TANC1: variants seen among roughly 807,000 people sequenced by gnomAD.
TANC1 encodes protein TANC1.
Under a neutral mutation model 149.7 loss-of-function variants are expected in TANC1, and 77 were observed. The observed-to-expected ratio is 0.51, with a 90% confidence interval of 0.43 to 0.62. The LOEUF (loss-of-function observed/expected upper bound fraction) is 0.62, where lower values mean the gene tolerates loss of function less well. TANC1 is among the 20% of genes least tolerant of loss of function. The pLI is 0.00. For missense variants in TANC1, 1,985 were observed against 2,321.8 expected (o/e 0.85, Z 2.98); for synonymous variants, 854 against 925.0 (o/e 0.92, Z 1.39).
rs550882931 is a variant in TANC1, at chr2:159,168,273, C to T, written c.947-977C>T. On this transcript the variant is annotated intron_variant, in intron 8 of 26. Transcript: ENST00000263635. ...CGGTAGTTGTTTTTGTAATCTAACT[C>T]GTATGAATGTTTGAATAGATCTTTA... Among the ~76,000 whole-genome samples the T allele has an allele frequency of 8.7e-5, 13 of 150,264 alleles. No individual in the cohort carries two copies. In the South Asian group the frequency reaches 1.1e-3, roughly 12 times the overall value.
At chr2:159,168,768 T>C (rs1190112551) in intron 8 of TANC1, among the ~76,000 whole-genome samples, 2 of 152,146 alleles carry the variant, frequency 1.3e-5, no homozygotes, top group Admixed American at 1.3e-4. Flanking sequence ...GATTATACTA[T>C]TACTACTGAG....
chr2:159,071,427 A>T (rs1442143055), intron 3 of TANC1, among the ~76,000 whole-genome samples: 3 of 152,116 alleles, frequency 2.0e-5, no homozygotes, highest in Admixed American at 2.0e-4. Context: ...CCTTTCTCTC[A>T]TTAAAACCCA....
intron 18 of TANC1, 43 bp from the exon 19 acceptor site, chr2:159,198,932 C>T (rs758038629): frequency 2.1e-6 from 3 of 1,444,584 alleles, no homozygotes; most frequent in Admixed American, 3.4e-5. Flanking sequence ...ATAAGCACCT[C>T]TTGCTAAGAG....
intron 3 of TANC1, among the ~76,000 whole-genome samples, chr2:159,087,653 G>A (rs776474436): frequency 1.4e-4 from 22 of 151,776 alleles, no homozygotes; most frequent in Non-Finnish European, 1.5e-4. Flanking sequence ...GATTACAGGT[G>A]TGAGCCACCA....
chr2:159,029,853 G>A (rs757242924), intron 2 of TANC1, among the ~76,000 whole-genome samples: 2 of 152,070 alleles, frequency 1.3e-5, no homozygotes, highest in Non-Finnish European at 2.9e-5. Context: ...GTGCCACCAT[G>A]CCTGTATTTT....
At chr2:159,228,571 G>T in intron 25 of TANC1, 1 of 494,618 alleles carries the variant, frequency 2.0e-6, no homozygotes, top group Non-Finnish European at 3.6e-6. Flanking sequence ...GGCCTTCTTG[G>T]GGCACTGTTA....
chr2:158,980,545 A>C (rs1403100466), intron 1 of TANC1, among the ~76,000 whole-genome samples: 1 of 151,944 alleles, frequency 6.6e-6, no homozygotes, highest in Admixed American at 6.6e-5. Flanking sequence ...GGGAGGCCGA[A>C]GTGGGCAGAT....
At chr2:159,151,117 C>T (rs1198200800) in intron 7 of TANC1, among the ~76,000 whole-genome samples, 1 of 152,108 alleles carries the variant, frequency 6.6e-6, no homozygotes, top group Non-Finnish European at 1.5e-5. Context: ...GGTTCCAGTC[C>T]GGACTCTTAC....
Position 159,094,656 on chromosome 2 carries a change from A to G in TANC1, c.62-2981A>G, listed in dbSNP as rs142632530. Among the ~76,000 whole-genome samples, 442 of 152,232 alleles carry G rather than the reference A, an allele frequency of 2.9e-3. 6 individuals are homozygous for G. Among genetic ancestry groups the G allele is most frequent in the African/African-American group, 0.01 (420 of 41,520 alleles). On this transcript the variant is annotated intron_variant, in intron 3 of 26. Coordinates refer to ENST00000263635, the MANE Select transcript of TANC1 (RefSeq NM_033394.3). ...CCGAAAGCCTCGAGGTGGTTTCTCA[A>G]AGATTCCAGACTCATGCACAGTGCT...
intron 4 of TANC1, among the ~76,000 whole-genome samples, chr2:159,109,490 T>C (rs1016305321): frequency 6.6e-6 from 1 of 152,230 alleles, no homozygotes; most frequent in African/African-American, 2.4e-5. Flanking sequence ...AATGCCCTTA[T>C]ATAAGAAGAG....
chr2:159,076,062 A>G (rs2043640511), intron 3 of TANC1, among the ~76,000 whole-genome samples: 1 of 152,208 alleles, frequency 6.6e-6, no homozygotes, highest in Non-Finnish European at 1.5e-5. Flanking sequence ...TGAGATTGGT[A>G]GACCTCTTCC....
chr2:159,015,402 T>C (rs1447059300), intron 2 of TANC1, among the ~76,000 whole-genome samples: 5 of 152,066 alleles, frequency 3.3e-5, no homozygotes, highest in Non-Finnish European at 7.4e-5. Flanking sequence ...ACAAAACCAC[T>C]TTTTCCTCCT....
At chr2:159,194,128 T>C in intron 16 of TANC1, 129 bp from the exon 17 acceptor site, 1 of 726,672 alleles carries the variant, frequency 1.4e-6, no homozygotes, top group Non-Finnish European at 2.5e-6. Flanking sequence ...TCCCAGGTGA[T>C]ACTGGTGCAC....
In TANC1 at chr2:159,199,043, G is replaced by A. The variant is rs2058064021; in HGVS notation, c.3234G>A (p.Trp1078Ter). The change falls in exon 19 of 27, where the codon TGG becomes TGA. Residue 1078 changes from tryptophan to a stop codon, truncating the protein, a stop_gained. Coordinates refer to ENST00000263635, the MANE Select transcript of TANC1 (RefSeq NM_033394.3). LOFTEE classifies it high-confidence loss of function. Reference sequence around the variant, plus strand: ...AAGTCAATGGCACCGACACATTGTGGGGAGAAACAGGTAATTATAATGCCA... The same window carrying A: ...AAGTCAATGGCACCGACACATTGTGAGGAGAAACAGGTAATTATAATGCCA... The part of the protein sequence containing the change: ...EVEVNGTDTL[W>*]GETALTAAAG... 4 of 1,613,512 alleles carry A rather than the reference G, an allele frequency of 2.5e-6. No homozygotes were observed. The highest frequency in any genetic ancestry group is 3.4e-6 in the Non-Finnish European group (4 of 1,179,500).
chr2:159,016,652 G>T (rs2038305291), intron 2 of TANC1, among the ~76,000 whole-genome samples: 2 of 149,920 alleles, frequency 1.3e-5, no homozygotes, highest in Admixed American at 6.7e-5. Context: ...TTGGCTCACT[G>T]CATGCTCTGC....
intron 3 of TANC1, among the ~76,000 whole-genome samples, chr2:159,081,101 A>G (rs974657788): frequency 2.6e-5 from 4 of 152,216 alleles, no homozygotes; most frequent in Admixed American, 1.3e-4. Flanking sequence ...GCATGGCCTT[A>G]TAACTGTATA....
intron 3 of TANC1, among the ~76,000 whole-genome samples, chr2:159,080,085 C>A (rs1288188279): frequency 6.6e-6 from 1 of 152,164 alleles, no homozygotes; most frequent in East Asian, 1.9e-4. Flanking sequence ...GGCTCTGCAA[C>A]CCCCGGGACA....
intron 3 of TANC1, among the ~76,000 whole-genome samples, chr2:159,092,846 A>G (rs905515990): frequency 6.6e-6 from 1 of 152,194 alleles, no homozygotes; most frequent in African/African-American, 2.4e-5. Flanking sequence ...CTCACTAAAA[A>G]TGTGTCGTTT....
At chr2:159,070,467 A>G (rs558943333) in intron 3 of TANC1, among the ~76,000 whole-genome samples, 1 of 152,358 alleles carries the variant, frequency 6.6e-6, no homozygotes, top group South Asian at 2.1e-4. Flanking sequence ...GATATTGTGT[A>G]TTCTGTGGGT....
Sources: gnomAD v4.1 joint callset for allele counts (sites outside exome capture counted in the v4.1 genomes callset) on GRCh38, gnomAD v4.1.1 for gene constraint, MANE v1.5 for transcripts, NCBI Gene and HGNC (gene_info 2026-07-23, HGNC 2026-07-21) for gene names.